Variants in ARSG observed in about 807,000 individuals in gnomAD.
ARSG encodes the protein arylsulfatase G, also known as ASG.
A neutral mutation model predicts 50.5 loss-of-function variants in ARSG; 37 were observed. That is an observed-to-expected ratio of 0.73 (90% CI 0.56 to 0.96). The LOEUF (loss-of-function observed/expected upper bound fraction) is 0.96. ARSG is among the 50% of genes least tolerant of loss of function. The pLI, the probability that ARSG is intolerant of heterozygous loss-of-function variation, is 0.00. For synonymous variants in ARSG, 225 were observed against 254.6 expected (o/e 0.88, Z 1.11); for missense variants, 629 against 675.3 (o/e 0.93, Z 0.76).
intron 1 of ARSG, among the ~76,000 whole-genome samples, chr17:68,274,788 T>C (rs2075458007): frequency 6.6e-6 from 1 of 151,768 alleles, no homozygotes; most frequent in Non-Finnish European, 1.5e-5. Flanking sequence ...TTCTTTCTTT[T>C]TTTTTTTTTG....
rs1233888029 is a variant in ARSG at position 68,399,975 on chromosome 17, C to A, written c.1213-1385C>A. 6.6e-6 allele frequency among the ~76,000 whole-genome samples: 1 copy of A among 152,194 alleles called. No homozygotes were observed. The highest frequency in any genetic ancestry group is 2.4e-5 in the African/African-American group (1 of 41,436). On this transcript the variant is annotated intron_variant, in intron 10 of 11. Coordinates refer to ENST00000621439, the MANE Select transcript of ARSG (RefSeq NM_001267727.2). The surrounding 1 kb of genome is among the most constrained non-coding windows in gnomAD (Gnocchi z 4.6). ...TTCCTGTTTGGAAGGAACCTGCTAT[C>A]ATCATGCGCGCCCTGGGTTTGTGCA...
At chr17:68,393,038 A>G (rs562673618) in intron 9 of ARSG, among the ~76,000 whole-genome samples, 1 of 152,256 alleles carries the variant, frequency 6.6e-6, no homozygotes, top group East Asian at 1.9e-4. Flanking sequence ...CACAGGGATT[A>G]CCCTTGTGAA....
At chr17:68,346,124 C>T (rs908525569) in intron 3 of ARSG, among the ~76,000 whole-genome samples, 3 of 152,130 alleles carry the variant, frequency 2.0e-5, no homozygotes, top group Non-Finnish European at 4.4e-5. Context: ...GATCCGCCTG[C>T]CTCGGCCTCC....
At chr17:68,436,860 G>A in the ARSG span, among the ~76,000 whole-genome samples, 4 of 152,110 alleles carry the variant, frequency 2.6e-5, no homozygotes, top group Non-Finnish European at 5.9e-5. Context: ...TGGGCATGGT[G>A]GTGCGTGCCT....
At chr17:68,308,022 G>A (rs1444923636) in intron 2 of ARSG, among the ~76,000 whole-genome samples, 1 of 152,220 alleles carries the variant, frequency 6.6e-6, no homozygotes, top group Middle Eastern at 3.4e-3. Flanking sequence ...GAAAGTAAGG[G>A]GCTAGGTACA....
At chr17:68,288,073 T>A (rs1204310279), upstream of ARSG, among the ~76,000 whole-genome samples, 1 of 148,390 alleles carries the variant, frequency 6.7e-6, no homozygotes, top group Non-Finnish European at 1.5e-5. Flanking sequence ...CTCAGCCCAC[T>A]GCAAGCTCTG....
At chr17:68,370,280 G>A (rs1412026147) in intron 7 of ARSG, among the ~76,000 whole-genome samples, 164 bp from the exon 8 acceptor site, 1 of 152,116 alleles carries the variant, frequency 6.6e-6, no homozygotes, top group Non-Finnish European at 1.5e-5. Context: ...CTCCCAAAGT[G>A]CTGGATTACA....
At position 68,378,041 on chromosome 17, in the gene ARSG, C is replaced by T. The variant is rs1273041666; in HGVS notation, c.983-7023C>T. Among the ~76,000 whole-genome samples the T allele has an allele frequency of 1.3e-5, 2 of 152,180 alleles. No individual in the cohort carries two copies. The highest frequency in any genetic ancestry group is 3.9e-4 in the East Asian group (2 of 5,180). The stretch of plus-strand genomic sequence containing the variant: ...TCCTGTCAACTAACTATTCCACAGC[C>T]TCCTTCTTCCTCTCTGCCTGGAATG... On this transcript the variant is annotated intron_variant, in intron 8 of 11. Transcript: ENST00000621439. The surrounding 1 kb of genome is among the most constrained non-coding windows in gnomAD (Gnocchi z 4.4).
At chr17:68,361,624 A>G (rs180764327) in intron 6 of ARSG, among the ~76,000 whole-genome samples, 12 of 152,018 alleles carry the variant, frequency 7.9e-5, no homozygotes, top group African/African-American at 2.9e-4. Flanking sequence ...CTGGAAAAAG[A>G]AAAAAAAGGC....
intron 1 of ARSG, among the ~76,000 whole-genome samples, chr17:68,277,104 T>C (rs1279961723): frequency 2.0e-5 from 3 of 152,098 alleles, no homozygotes; most frequent in Non-Finnish European, 2.9e-5. Context: ...CTTGGAATTA[T>C]GAGATTGGGG....
At chr17:68,417,765 T>TTTTTG in intron 11 of ARSG, among the ~76,000 whole-genome samples, 1 of 118,770 alleles carries the variant, frequency 8.4e-6, no homozygotes, top group South Asian at 3.1e-4. Context: ...TTTTTTTTTT[T>TTTTTG]GAGATGGAGT....
chr17:68,366,153 G>T (rs1297975023), intron 6 of ARSG, among the ~76,000 whole-genome samples: 2 of 151,746 alleles, frequency 1.3e-5, no homozygotes, highest in African/African-American at 2.4e-5. Flanking sequence ...TGGCCCAGCT[G>T]GTCTCAAACT....
At chr17:68,260,631 G>A (rs1230461650) in intron 1 of ARSG, among the ~76,000 whole-genome samples, 1 of 152,110 alleles carries the variant, frequency 6.6e-6, no homozygotes, top group Non-Finnish European at 1.5e-5. Flanking sequence ...GGTATTACAG[G>A]TGTGCACCAC....
At chr17:68,376,381 A>G (rs537273782) in intron 8 of ARSG, among the ~76,000 whole-genome samples, 25 of 151,036 alleles carry the variant, frequency 1.7e-4, no homozygotes, top group African/African-American at 4.9e-4. Flanking sequence ...GATTCAAGCA[A>G]TCCTCCCACC....
intron 11 of ARSG, among the ~76,000 whole-genome samples, chr17:68,417,811 G>A (rs1002930599): frequency 3.1e-5 from 4 of 130,460 alleles, no homozygotes; most frequent in East Asian, 2.6e-4. Context: ...GCAGTGGCAC[G>A]ATCTCGGCTC....
chr17:68,426,253 G>GGCCCCCC, downstream of ARSG: 1 of 841,014 alleles, frequency 1.2e-6, no homozygotes. Flanking sequence ...GGGGAGCGGG[G>GGCCCCCC]GCTCAAATAA....
At chr17:68,426,247 A>AGGGGGGGGGG, downstream of ARSG, 2 of 655,810 alleles carry the variant, frequency 3.0e-6, no homozygotes, top group Non-Finnish European at 2.3e-6. Flanking sequence ...GCGGGTGGGG[A>AGGGGGGGGGG]GCGGGGGCTC....
chr17:68,432,322 A>G, the ARSG span, among the ~76,000 whole-genome samples: 11 of 152,222 alleles, frequency 7.2e-5, no homozygotes, highest in African/African-American at 2.7e-4. Context: ...TTAATCACAC[A>G]TGCCTTTAAA....
At chr17:68,326,511 A>G (rs2077510374) in intron 2 of ARSG, among the ~76,000 whole-genome samples, 1 of 152,180 alleles carries the variant, frequency 6.6e-6, no homozygotes, top group Admixed American at 6.5e-5. Flanking sequence ...CTCTAAATAC[A>G]AAAATTAGCC....
Sources: allele counts gnomAD v4.1 joint callset (sites outside exome capture counted in the v4.1 genomes callset), GRCh38; gene constraint gnomAD v4.1.1; non-coding constraint Gnocchi (gnomAD v3.1); transcripts MANE v1.5; gene names NCBI Gene and HGNC (gene_info 2026-07-23, HGNC 2026-07-21).